Variants in PIP4K2A observed in about 807,000 individuals in gnomAD.
The protein encoded by PIP4K2A is phosphatidylinositol 5-phosphate 4-kinase type-2 alpha.
A neutral mutation model predicts 42.9 loss-of-function variants in PIP4K2A; 14 were observed. The observed-to-expected ratio is 0.33, with a 90% CI of 0.22 to 0.51. The LOEUF (loss-of-function observed/expected upper bound fraction) is 0.51, where lower values mean the gene tolerates loss of function less well. Ranked by LOEUF, PIP4K2A falls within the 20% of genes least tolerant of loss-of-function variation. The pLI is 0.97. For missense variants in PIP4K2A, 434 were observed against 519.8 expected (o/e 0.83, Z 1.61); for synonymous variants, 192 against 192.2 (o/e 1.00, Z 0.01).
chr10:22,631,619 A>G (rs981061218), intron 1 of PIP4K2A, among the ~76,000 whole-genome samples: 1 of 152,222 alleles, frequency 6.6e-6, no homozygotes, highest in African/African-American at 2.4e-5. Flanking sequence ...CCATAGAATA[A>G]GAATCTATGA....
chr10:22,578,854 A>T (rs2130803485), intron 4 of PIP4K2A, among the ~76,000 whole-genome samples: 1 of 152,336 alleles, frequency 6.6e-6, no homozygotes, highest in South Asian at 2.1e-4. Context: ...GAATAAATGA[A>T]TCCAGCAAAT....
chr10:22,584,533 C>A, intron 4 of PIP4K2A, among the ~76,000 whole-genome samples: 1 of 152,148 alleles, frequency 6.6e-6, no homozygotes, highest in African/African-American at 2.4e-5. Flanking sequence ...GACTGCGGAA[C>A]TTCCAGACCC....
chr10:22,714,032 C>G (rs1009918890), intron 1 of PIP4K2A, 151 bp downstream of exon 1: 2 of 768,472 alleles, frequency 2.6e-6, no homozygotes, highest in Middle Eastern at 3.5e-4. Context: ...GCACGCGCCG[C>G]GGGGCTGGGG....
intron 1 of PIP4K2A, among the ~76,000 whole-genome samples, chr10:22,697,056 G>A (rs987877169): frequency 6.6e-6 from 1 of 151,506 alleles, no homozygotes; most frequent in Non-Finnish European, 1.5e-5. Flanking sequence ...GTTTATAAGC[G>A]TGACCTTTCC....
chr10:22,675,714 T>C (rs1839545193), intron 1 of PIP4K2A, among the ~76,000 whole-genome samples: 1 of 152,156 alleles, frequency 6.6e-6, no homozygotes, highest in Non-Finnish European at 1.5e-5. Flanking sequence ...AAATGATCAA[T>C]GTAGTACAAT....
intron 1 of PIP4K2A, among the ~76,000 whole-genome samples, chr10:22,662,226 A>C (rs1839216539): frequency 6.6e-6 from 1 of 152,192 alleles, no homozygotes. Context: ...CCAATTGTTT[A>C]ATCTAGGCAT....
At chr10:22,644,707 G>A (rs767324443) in intron 1 of PIP4K2A, among the ~76,000 whole-genome samples, 23 of 152,204 alleles carry the variant, frequency 1.5e-4, no homozygotes, top group Admixed American at 6.5e-4. Flanking sequence ...TTTTCTCTCC[G>A]CCTCCTAGAA....
intron 6 of PIP4K2A, among the ~76,000 whole-genome samples, chr10:22,564,896 C>T (rs1378147102): frequency 6.6e-6 from 1 of 152,236 alleles, no homozygotes; most frequent in African/African-American, 2.4e-5. Context: ...CTTACCCTAC[C>T]TGGCCTCACG....
intron 1 of PIP4K2A, among the ~76,000 whole-genome samples, chr10:22,700,945 A>G (rs566118494): frequency 6.6e-6 from 1 of 152,248 alleles, no homozygotes; most frequent in South Asian, 2.1e-4. Flanking sequence ...TAAAATCAGA[A>G]GGAGAGAAGT....
chr10:22,714,112 C>G (rs1197133873), intron 1 of PIP4K2A, 71 bp downstream of exon 1: 1 of 1,444,538 alleles, frequency 6.9e-7, no homozygotes, highest in Non-Finnish European at 9.4e-7. Context: ...CAGCTGCAGC[C>G]GGAGGAGGAG....
At chr10:22,549,770 G>C (rs998073984) in intron 7 of PIP4K2A, among the ~76,000 whole-genome samples, 1 of 129,830 alleles carries the variant, frequency 7.7e-6, no homozygotes, top group African/African-American at 2.9e-5. Context: ...GAACCTGGGA[G>C]GCAGAGCTTG....
intron 1 of PIP4K2A, among the ~76,000 whole-genome samples, chr10:22,674,415 C>CAAAAAA (rs1002492534): frequency 3.3e-3 from 200 of 61,102 alleles, no homozygotes; most frequent in African/African-American, 6.2e-3. Flanking sequence ...CACTTGGGAG[C>CAAAAAA]AAAAAAAAAA....
intron 1 of PIP4K2A, among the ~76,000 whole-genome samples, chr10:22,696,757 A>G (rs1233204250): frequency 1.3e-5 from 2 of 152,202 alleles, no homozygotes; most frequent in Non-Finnish European, 2.9e-5. Context: ...ATTTTAAAAT[A>G]CTAGAACAAG....
chr10:22,569,656 T>C (rs1334414136), intron 5 of PIP4K2A, among the ~76,000 whole-genome samples: 1 of 151,232 alleles, frequency 6.6e-6, no homozygotes, highest in African/African-American at 2.4e-5. Context: ...TGTGTGTGTC[T>C]GTGTGTGTGT....
At position 22,536,403 on chromosome 10, in the gene PIP4K2A, T is replaced by C. The variant is rs1421951624; in HGVS notation, c.*798A>G. ...GAAGTAAGCAGTTTTCCTGGACATA[T>C]TGGCCGAGGTGAAAAATGTATAGAG... On this transcript the variant is annotated 3_prime_UTR_variant, in exon 10 of 10. Coordinates refer to ENST00000376573, the MANE Select transcript of PIP4K2A (RefSeq NM_005028.5). 3 of 306,386 alleles carry C rather than the reference T, an allele frequency of 9.8e-6. No homozygotes were observed. The highest frequency in any genetic ancestry group is 1.8e-5 in the Non-Finnish European group (3 of 167,936). The allele number at this position is 306,386 out of a possible 1,614,324, so 19.0% of individuals were successfully genotyped here.
intron 1 of PIP4K2A, among the ~76,000 whole-genome samples, chr10:22,699,440 A>G (rs1007369616): frequency 2.0e-5 from 3 of 151,932 alleles, no homozygotes; most frequent in Admixed American, 2.0e-4. Context: ...CAATGCTGAA[A>G]AAGGTAGCTG....
intron 1 of PIP4K2A, among the ~76,000 whole-genome samples, chr10:22,624,316 A>G (rs972610114): frequency 6.6e-6 from 1 of 152,232 alleles, no homozygotes; most frequent in Non-Finnish European, 1.5e-5. Context: ...GTAAAAACCA[A>G]TATGGCATCA....
intron 1 of PIP4K2A, among the ~76,000 whole-genome samples, chr10:22,690,575 G>A (rs777029718): frequency 1.3e-5 from 2 of 152,160 alleles, no homozygotes; most frequent in African/African-American, 2.4e-5. Context: ...TTCAAGAGGA[G>A]ATATGTGCTC....
At chr10:22,552,384 G>A (rs1429396933) in intron 6 of PIP4K2A, among the ~76,000 whole-genome samples, 2 of 152,066 alleles carry the variant, frequency 1.3e-5, no homozygotes, top group Non-Finnish European at 2.9e-5. Flanking sequence ...AGAATGCAAC[G>A]CCATTCTTCA....
Sources: gnomAD v4.1 joint callset for allele counts (sites outside exome capture counted in the v4.1 genomes callset) on GRCh38, gnomAD v4.1.1 for gene constraint, MANE v1.5 for transcripts, NCBI Gene and HGNC (gene_info 2026-07-23, HGNC 2026-07-21) for gene names.